IRF2: variants seen among roughly 807,000 people sequenced by gnomAD.
IRF2 encodes interferon regulatory factor 2.
In IRF2, 15 loss-of-function variants were observed where a neutral mutation model predicts 40.6. That is an observed-to-expected ratio of 0.37 (90% CI 0.25 to 0.57). The LOEUF (loss-of-function observed/expected upper bound fraction) is 0.57. IRF2 is among the 20% of genes least tolerant of loss of function. The probability of loss-of-function intolerance (pLI) is 0.77; values close to 1 mark genes in which losing one functional copy is unlikely to be tolerated. For synonymous variants in IRF2, 151 were observed against 165.5 expected (o/e 0.91, Z 0.67); for missense variants, 317 against 455.7 (o/e 0.70, Z 2.77).
intron 1 of IRF2, among the ~76,000 whole-genome samples, chr4:184,453,626 C>A (rs1230211167): frequency 6.6e-6 from 1 of 152,222 alleles, no homozygotes; most frequent in African/African-American, 2.4e-5. Context: ...AAAGACCTCT[C>A]AGTCCTCTGA....
intron 8 of IRF2, among the ~76,000 whole-genome samples, chr4:184,389,322 G>A (rs192355904): frequency 2.0e-5 from 3 of 152,304 alleles, no homozygotes; most frequent in African/African-American, 7.2e-5. Flanking sequence ...GGAGGCTGAG[G>A]CGGGAGGATC....
chr4:184,436,352 T>G (rs1483024208), intron 1 of IRF2, among the ~76,000 whole-genome samples: 1 of 152,232 alleles, frequency 6.6e-6, no homozygotes, highest in Non-Finnish European at 1.5e-5. Context: ...TACAAGGAAC[T>G]GTGCTGAGTG....
chr4:184,400,123 C>T (rs770503760), intron 6 of IRF2, among the ~76,000 whole-genome samples: 10 of 152,190 alleles, frequency 6.6e-5, no homozygotes, highest in Non-Finnish European at 1.2e-4. Context: ...GTTCATGTAC[C>T]TACCACCACT....
At chr4:184,423,920 A>G (rs1180158591) in intron 2 of IRF2, among the ~76,000 whole-genome samples, 3 of 152,246 alleles carry the variant, frequency 2.0e-5, no homozygotes, top group Non-Finnish European at 4.4e-5. Flanking sequence ...GGCATTCTTA[A>G]TATGAATGGA....
intron 4 of IRF2, 97 bp from the exon 5 acceptor site, chr4:184,418,310 C>G: frequency 1.9e-6 from 2 of 1,071,134 alleles, no homozygotes; most frequent in Admixed American, 1.7e-5. Context: ...CTCAATGAAC[C>G]TGTTGCTTTA....
Position 184,388,621 on chromosome 4 carries a change from A to C in IRF2, c.*137T>G. The C allele has an allele frequency of 1.2e-6, 1 of 868,466 alleles. No homozygotes were observed. The highest frequency in any genetic ancestry group is 1.8e-6 in the Non-Finnish European group (1 of 558,664). 53.8% of individuals were successfully genotyped at this position (868,466 alleles called of 1,614,324 possible). On this transcript the variant is annotated 3_prime_UTR_variant, in exon 9 of 9. Coordinates refer to ENST00000393593, the MANE Select transcript of IRF2 (RefSeq NM_002199.4). The surrounding 1 kb of genome is among the most constrained non-coding windows in gnomAD (Gnocchi z 4.6). ...AAGCTCCAGTACTGGAGTTGGACACAGCAATCAATGTTCTATTGTCAAGGC... is the reference window on the plus strand; with the variant it reads ...AAGCTCCAGTACTGGAGTTGGACACCGCAATCAATGTTCTATTGTCAAGGC...
rs575452219 is a variant in IRF2 at position 184,450,908 on chromosome 4, C to T, written c.-6-21838G>A. Among the ~76,000 whole-genome samples, 30 of 152,266 alleles carry T rather than the reference C, an allele frequency of 2.0e-4. 1 individual carries two copies. The South Asian group carries it at 3.9e-3, about 20-fold the overall frequency. ...TCCACACCGTCCACTGAGACCAGTA[C>T]GTAAGCAACTGCTCCATTTCACATG... On this transcript the variant is annotated intron_variant, in intron 1 of 8. Transcript: ENST00000393593.
intron 5 of IRF2, among the ~76,000 whole-genome samples, chr4:184,415,496 C>A (rs1737234179): frequency 6.6e-6 from 1 of 152,214 alleles, no homozygotes; most frequent in South Asian, 2.1e-4. Context: ...ACAAACGGGA[C>A]CACCACATGG....
intron 6 of IRF2, among the ~76,000 whole-genome samples, chr4:184,402,726 C>T (rs1022706310): frequency 6.6e-6 from 1 of 152,148 alleles, no homozygotes; most frequent in Non-Finnish European, 1.5e-5. Context: ...GTCAAGACTT[C>T]TGACAAGTGG....
rs745795240 is a variant in IRF2 at position 184,390,763 on chromosome 4, G to A, written c.695-14C>T. The A allele has an allele frequency of 1.2e-6, 2 of 1,614,162 alleles. No homozygotes were observed. Among genetic ancestry groups the A allele is most frequent in the Non-Finnish European group, 1.7e-6 (2 of 1,179,996 alleles). ...TCGTTTCGCTTTCTGTTCACAGAGAGAAAAACACAGGGCCATCATTCCTGT... is the reference window on the plus strand; with the variant it reads ...TCGTTTCGCTTTCTGTTCACAGAGAAAAAAACACAGGGCCATCATTCCTGT... On this transcript the variant is annotated splice_polypyrimidine_tract_variant and intron_variant, in intron 7 of 8. Coordinates refer to ENST00000393593, the MANE Select transcript of IRF2 (RefSeq NM_002199.4).
intron 5 of IRF2, among the ~76,000 whole-genome samples, chr4:184,417,925 C>G (rs1737342220): frequency 6.6e-6 from 1 of 152,210 alleles, no homozygotes; most frequent in South Asian, 2.1e-4. Flanking sequence ...GCCTGCCGAG[C>G]ACAGTGAGAA....
intron 1 of IRF2, among the ~76,000 whole-genome samples, chr4:184,455,497 G>A (rs1041232606): frequency 4.0e-5 from 6 of 151,034 alleles, no homozygotes; most frequent in Admixed American, 2.0e-4. Flanking sequence ...ACTTGGCAAC[G>A]GGCTTATCTC....
chr4:184,401,311 T>C (rs928875826), intron 6 of IRF2, among the ~76,000 whole-genome samples: 3 of 152,190 alleles, frequency 2.0e-5, no homozygotes, highest in Non-Finnish European at 4.4e-5. Context: ...AGGGAAGGTT[T>C]TAGAGGGCAG....
chr4:184,396,719 C>A (rs1196702964), intron 7 of IRF2, among the ~76,000 whole-genome samples: 2 of 152,102 alleles, frequency 1.3e-5, no homozygotes, highest in African/African-American at 4.8e-5. Context: ...CAGACGTGAG[C>A]CACCACACCC....
intron 1 of IRF2, among the ~76,000 whole-genome samples, chr4:184,469,252 G>A (rs994462174): frequency 6.6e-6 from 1 of 152,114 alleles, no homozygotes; most frequent in Non-Finnish European, 1.5e-5. Context: ...ACACGGAGCC[G>A]GCCAGCCTGT....
intron 1 of IRF2, among the ~76,000 whole-genome samples, chr4:184,438,366 G>A (rs961190419): frequency 8.5e-5 from 13 of 152,194 alleles, no homozygotes; most frequent in Non-Finnish European, 1.6e-4. Context: ...ATTAAGATCA[G>A]CACTTTTAAC....
intron 2 of IRF2, among the ~76,000 whole-genome samples, chr4:184,427,683 G>A (rs1287089525): frequency 2.0e-5 from 3 of 151,930 alleles, no homozygotes; most frequent in Non-Finnish European, 4.4e-5. Context: ...TGGATAAAAG[G>A]AAAATAGTAA....
chr4:184,458,030 C>A (rs1462569385), intron 1 of IRF2, among the ~76,000 whole-genome samples: 6 of 152,172 alleles, frequency 3.9e-5, no homozygotes, highest in Non-Finnish European at 8.8e-5. Flanking sequence ...ACGGAAGAAA[C>A]TGTCAACCCT....
intron 1 of IRF2, among the ~76,000 whole-genome samples, chr4:184,449,506 GTTGA>G (rs1738637545): frequency 6.6e-6 from 1 of 152,212 alleles, no homozygotes; most frequent in Non-Finnish European, 1.5e-5. Flanking sequence ...ATAAATATTA[GTTGA>G]CTAAATAATG....
Sources: allele counts gnomAD v4.1 joint callset (sites outside exome capture counted in the v4.1 genomes callset), GRCh38; gene constraint gnomAD v4.1.1; non-coding constraint Gnocchi (gnomAD v3.1); transcripts MANE v1.5; gene names NCBI Gene and HGNC (gene_info 2026-07-23, HGNC 2026-07-21).